Variants in RORA observed in about 807,000 individuals in gnomAD.
The protein encoded by RORA is RAR related orphan receptor A.
Under a neutral mutation model 69.5 loss-of-function variants are expected in RORA, and 7 were observed. That is an observed-to-expected ratio of 0.10 (90% CI 0.06 to 0.19). The LOEUF is 0.19. Ranked by LOEUF, RORA falls within the 10% of genes least tolerant of loss-of-function variation. RORA has a pLI of 1.00. For synonymous variants in RORA, 261 were observed against 240.8 expected (o/e 1.08, Z -0.78); for missense variants, 457 against 663.0 (o/e 0.69, Z 3.41).
intron 1 of RORA, among the ~76,000 whole-genome samples, chr15:61,129,717 C>T (rs2079173754): frequency 6.6e-6 from 1 of 152,176 alleles, no homozygotes; most frequent in African/African-American, 2.4e-5. Context: ...GCTAACCCTA[C>T]CAGGGCTTCA....
chr15:61,189,701 C>A (rs1001754594), intron 1 of RORA, among the ~76,000 whole-genome samples: 1 of 151,540 alleles, frequency 6.6e-6, no homozygotes, highest in Non-Finnish European at 1.5e-5. Context: ...ACTAAAAATA[C>A]AAAAAATTAG....
chr15:61,040,617 C>T (rs1896714558), intron 1 of RORA, among the ~76,000 whole-genome samples: 1 of 152,000 alleles, frequency 6.6e-6, no homozygotes, highest in African/African-American at 2.4e-5. Flanking sequence ...GTAGACCGTA[C>T]ACCCTATGAG....
At chr15:60,771,220 T>A (rs1310682457) in intron 1 of RORA, among the ~76,000 whole-genome samples, 1 of 152,170 alleles carries the variant, frequency 6.6e-6, no homozygotes. Flanking sequence ...TTTGAGTTAC[T>A]TTCCCATCTG....
At chr15:60,912,367 A>G (rs1429240711) in intron 1 of RORA, among the ~76,000 whole-genome samples, 1 of 152,072 alleles carries the variant, frequency 6.6e-6, no homozygotes, top group Non-Finnish European at 1.5e-5. Context: ...GGCTACAGTG[A>G]GCTATGATTG....
intron 1 of RORA, among the ~76,000 whole-genome samples, chr15:60,935,712 T>C (rs1338920723): frequency 6.6e-6 from 1 of 152,126 alleles, no homozygotes; most frequent in Non-Finnish European, 1.5e-5. Context: ...AAGTTACCAG[T>C]CCAGATAAAT....
intron 1 of RORA, among the ~76,000 whole-genome samples, chr15:60,956,969 AATGGTATC>A (rs2140339284): frequency 6.6e-6 from 1 of 152,320 alleles, no homozygotes; most frequent in Non-Finnish European, 1.5e-5. Flanking sequence ...GCATCTATGA[AATGGTATC>A]ACTCTTGTCC....
intron 1 of RORA, among the ~76,000 whole-genome samples, chr15:61,163,293 G>A (rs139720045): frequency 6.6e-6 from 1 of 152,292 alleles, no homozygotes; most frequent in East Asian, 1.9e-4. Flanking sequence ...AAGAGGATCC[G>A]TGTTCCAGGA....
chr15:61,197,610 G>A (rs1258903002), intron 1 of RORA, among the ~76,000 whole-genome samples: 9 of 152,114 alleles, frequency 5.9e-5, no homozygotes, highest in African/African-American at 2.2e-4. Context: ...ATTCTAAACC[G>A]GGCTCCGTCA....
At chr15:60,584,153 A>G (rs778286666) in intron 2 of RORA, among the ~76,000 whole-genome samples, 1 of 152,202 alleles carries the variant, frequency 6.6e-6, no homozygotes, top group Non-Finnish European at 1.5e-5. Flanking sequence ...GTTGCATCAG[A>G]AACATCTGAG....
chr15:60,597,512 TACACACACACACACACAC>T lies in RORA; in HGVS notation c.197-65679_197-65662del, dbSNP rs56774445. On this transcript the variant is annotated intron_variant, in intron 2 of 10. Coordinates refer to ENST00000335670, the MANE Select transcript of RORA (RefSeq NM_134261.3). ...CTATACCTGGCAGTGGTACAGGAGA[TACACACACACACACACAC>T]ACACACACACACACACACAACATAT... Among the ~76,000 whole-genome samples the T allele has an allele frequency of 2.3e-4, 10 of 43,216 alleles. 1 individual carries two copies. Among genetic ancestry groups the T allele is most frequent in the African/African-American group, 7.2e-4 (10 of 13,954 alleles). 28.4% of individuals were successfully genotyped at this position (43,216 alleles called of 152,430 possible). A position where few individuals can be genotyped will look rare whatever the true frequency, so the allele number is the denominator to read the frequency against.
At chr15:61,070,298 C>A (rs567413048) in intron 1 of RORA, among the ~76,000 whole-genome samples, 1 of 152,176 alleles carries the variant, frequency 6.6e-6, no homozygotes, top group Non-Finnish European at 1.5e-5. Flanking sequence ...ATCCTAGATA[C>A]CTGGTACCTT....
chr15:60,628,419 G>A (rs376072542), intron 2 of RORA, among the ~76,000 whole-genome samples: 23 of 152,210 alleles, frequency 1.5e-4, no homozygotes, highest in African/African-American at 2.2e-4. Context: ...AGGCTGCAGC[G>A]CTGTGGCACT....
intron 1 of RORA, among the ~76,000 whole-genome samples, chr15:60,775,394 G>A (rs545912677): frequency 2.0e-5 from 3 of 152,154 alleles, no homozygotes; most frequent in South Asian, 2.1e-4. Context: ...TCAAATTTGC[G>A]TGGGGGTTCT....
intron 1 of RORA, among the ~76,000 whole-genome samples, chr15:60,743,084 G>A (rs1227456154): frequency 5.0e-5 from 7 of 140,822 alleles, no homozygotes; most frequent in African/African-American, 1.6e-4. Flanking sequence ...GCACAATCTC[G>A]GCTCACTGCA....
intron 8 of RORA, 56 bp from the exon 9 acceptor site, chr15:60,501,125 A>C (rs962738897): frequency 1.3e-5 from 12 of 923,646 alleles, no homozygotes; most frequent in Non-Finnish European, 2.0e-5. Context: ...TTAGGAGAAA[A>C]ACCTAGGTCT....
intron 1 of RORA, among the ~76,000 whole-genome samples, chr15:60,825,621 C>G (rs966392275): frequency 6.6e-6 from 1 of 152,186 alleles, no homozygotes; most frequent in African/African-American, 2.4e-5. Flanking sequence ...CCGTCTCCAT[C>G]CTTCACGTGC....
chr15:60,887,554 G>GA (rs1476006694), intron 1 of RORA, among the ~76,000 whole-genome samples: 3 of 152,164 alleles, frequency 2.0e-5, no homozygotes, highest in Admixed American at 1.3e-4. Flanking sequence ...AAAATGAATA[G>GA]AAAAAATGGC....
At chr15:61,165,455 G>A (rs2079533090) in intron 1 of RORA, among the ~76,000 whole-genome samples, 1 of 152,198 alleles carries the variant, frequency 6.6e-6, no homozygotes, top group Non-Finnish European at 1.5e-5. Context: ...TTTTGATCCA[G>A]TGTCTTTATC....
chr15:61,001,279 G>T (rs1404664341), intron 1 of RORA, among the ~76,000 whole-genome samples: 1 of 152,218 alleles, frequency 6.6e-6, no homozygotes, highest in Non-Finnish European at 1.5e-5. Context: ...GCGCAAGAGT[G>T]TGCTATAAAA....
Sources: gnomAD v4.1 joint callset for allele counts (sites outside exome capture counted in the v4.1 genomes callset) on GRCh38, gnomAD v4.1.1 for gene constraint, MANE v1.5 for transcripts, NCBI Gene and HGNC (gene_info 2026-07-23, HGNC 2026-07-21) for gene names.